The following POM121C variants were observed in gnomAD, a reference collection of about 807,000 sequenced individuals.
POM121C encodes nuclear envelope pore membrane protein POM 121C.
In POM121C, 20 loss-of-function variants were observed where a neutral mutation model predicts 66.4. That is an observed-to-expected ratio of 0.30 (90% CI 0.21 to 0.44). POM121C has a LOEUF of 0.44. Among genes scored for constraint, POM121C ranks in the 20% least tolerant of loss-of-function variants. POM121C has a pLI of 1.00. For synonymous variants in POM121C, 286 were observed against 528.0 expected, an observed-to-expected ratio of 0.54 and a Z score of 6.28; for missense variants, 580 against 1,225.7, an observed-to-expected ratio of 0.47 and a Z score of 7.87.
Position 75,418,600 on chromosome 7 carries a change from G to A in POM121C, c.*196C>T. On this transcript the variant is annotated 3_prime_UTR_variant, in exon 15 of 15. Coordinates refer to ENST00000615331, the MANE Select transcript of POM121C (RefSeq NM_001099415.3). ...CCCGGGCTTTGGCCCTCCGCATCCT[G>A]CTTCCCCTTCCCTGAGGCTTGTGCT... is the stretch of plus-strand genomic sequence containing the variant. 7.6e-7 allele frequency: 1 copy of A among 1,312,286 alleles called. No individual in the cohort carries two copies. The highest frequency in any genetic ancestry group is 1.7e-5 in the South Asian group (1 of 59,752). The allele number at this position is 1,312,286 out of a possible 1,614,324, so 81.3% of individuals were successfully genotyped here. A position where few individuals can be genotyped will look rare whatever the true frequency, so the allele number is the denominator to read the frequency against.
At chr7:75,438,200 G>A (rs1385514474) in intron 6 of POM121C, among the ~76,000 whole-genome samples, 4 of 152,136 alleles carry the variant, frequency 2.6e-5, no homozygotes, top group Non-Finnish European at 5.9e-5. Flanking sequence ...TTTCCTGTAG[G>A]ACAGTCATCC....
At chr7:75,470,583 T>C (rs1162789587) in intron 3 of POM121C, among the ~76,000 whole-genome samples, 1 of 151,908 alleles carries the variant, frequency 6.6e-6, no homozygotes. Flanking sequence ...ACCTCAACAT[T>C]CCCAAGTAGC....
intron 3 of POM121C, among the ~76,000 whole-genome samples, chr7:75,468,793 G>A (rs1554478222): frequency 1.3e-5 from 2 of 152,126 alleles, no homozygotes; most frequent in South Asian, 2.1e-4. Context: ...AGGTCAAGAC[G>A]GGAGGATCGC....
chr7:75,447,594 A>C (rs1272489767), intron 3 of POM121C, among the ~76,000 whole-genome samples: 2 of 152,066 alleles, frequency 1.3e-5, no homozygotes, highest in Non-Finnish European at 2.9e-5. Flanking sequence ...ATATATTTTA[A>C]GAAAGTTAAA....
chr7:75,461,763 G>A (rs1791452263), intron 3 of POM121C, among the ~76,000 whole-genome samples: 1 of 151,980 alleles, frequency 6.6e-6, no homozygotes, highest in South Asian at 2.1e-4. Context: ...AATACGTTCT[G>A]TGACTGTAAA....
chr7:75,419,204 T>C, intron 14 of POM121C, 116 bp downstream of exon 14: 2 of 1,441,472 alleles, frequency 1.4e-6, no homozygotes, highest in South Asian at 1.5e-5. Context: ...TAACCCGAAA[T>C]GTCTTTCCTG....
rs1399691396 is a variant in POM121C at position 75,486,269 on chromosome 7, G to A, written c.-863C>T. 2 of 270,034 alleles carry A rather than the reference G, an allele frequency of 7.4e-6. No individual in the cohort carries two copies. The highest frequency in any genetic ancestry group is 3.2e-5 in the South Asian group (1 of 31,704). The allele number at this position is 270,034 out of a possible 1,614,324, so 16.7% of individuals were successfully genotyped here. ...AAGCCTGGGAACGAGAGCAAGCGAT[G>A]ACCTGAAGAGGCACAGGAAGCGAGG... On this transcript the variant is annotated 5_prime_UTR_variant, in exon 1 of 15. Coordinates refer to ENST00000615331, the MANE Select transcript of POM121C (RefSeq NM_001099415.3).
rs1430309562 is a variant in POM121C, at chr7:75,484,885, C to G, written c.-458+979G>C. 3.0e-4 allele frequency among the ~76,000 whole-genome samples: 46 copies of G among 151,542 alleles called. 2 individuals are homozygous for G. ...TTGGTTGAGACAGGGTCTCAATCTG[C>G]CACCCAGGCTGGAGTGCAGTGGTGC... On this transcript the variant is annotated intron_variant, in intron 1 of 14. Transcript: ENST00000615331.
intron 3 of POM121C, among the ~76,000 whole-genome samples, chr7:75,443,579 GCT>G (rs1554474404): frequency 7.4e-6 from 1 of 134,834 alleles, no homozygotes; most frequent in Non-Finnish European, 1.6e-5. Context: ...ATCTTTATAA[GCT>G]CTGTTTAGTA....
intron 1 of POM121C, among the ~76,000 whole-genome samples, chr7:75,479,634 A>C (rs1367554269): frequency 6.8e-6 from 1 of 147,654 alleles, no homozygotes; most frequent in Non-Finnish European, 1.5e-5. Flanking sequence ...TAAATAAATA[A>C]ATAAATAAAT....
At chr7:75,463,449 C>CA (rs1432851266) in intron 3 of POM121C, among the ~76,000 whole-genome samples, 3 of 120,772 alleles carry the variant, frequency 2.5e-5, no homozygotes, top group African/African-American at 9.1e-5. Context: ...CTGGGTTTTT[C>CA]TTTTTTTTTT....
chr7:75,468,299 A>G (rs2116505825), intron 3 of POM121C, among the ~76,000 whole-genome samples: 1 of 144,992 alleles, frequency 6.9e-6, no homozygotes, highest in African/African-American at 2.6e-5. Flanking sequence ...CTGTTTCCAC[A>G]TTGAAGACTC....
chr7:75,456,426 G>C (rs1439052994), intron 3 of POM121C, among the ~76,000 whole-genome samples: 1 of 152,200 alleles, frequency 6.6e-6, no homozygotes, highest in African/African-American at 2.4e-5. Flanking sequence ...CCACACATTC[G>C]TCTATTTCAT....
chr7:75,465,617 G>A (rs1791607604), intron 3 of POM121C, among the ~76,000 whole-genome samples: 1 of 151,594 alleles, frequency 6.6e-6, no homozygotes, highest in African/African-American at 2.4e-5. Context: ...GCCGGGCATG[G>A]TGGCAGGCAC....
At chr7:75,439,113 T>C in intron 6 of POM121C, 31 bp downstream of exon 6, 1 of 1,612,210 alleles carries the variant, frequency 6.2e-7, no homozygotes, top group Non-Finnish European at 8.5e-7. Context: ...TCCAAACAGT[T>C]GGTATTTCAT....
intron 7 of POM121C, among the ~76,000 whole-genome samples, chr7:75,428,103 C>CT (rs1322465862): frequency 6.6e-6 from 1 of 151,832 alleles, no homozygotes; most frequent in Non-Finnish European, 1.5e-5. Context: ...CTGACACTAC[C>CT]TCGCTGGTTC....
At chr7:75,462,190 G>C (rs1204650670) in intron 3 of POM121C, among the ~76,000 whole-genome samples, 1 of 149,216 alleles carries the variant, frequency 6.7e-6, no homozygotes, top group Non-Finnish European at 1.5e-5. Context: ...TGCTGTTCTC[G>C]TGATAGTGAG....
Position 75,422,837 on chromosome 7 carries a change from T to G in POM121C, c.1415A>C (p.Lys472Thr), listed in dbSNP as rs782647556. ...CGGTGTGAGGCCTTCCTTCTCACTC[T>G]TGGGTGGAGCCGTGAAAATGGGCTT... Reference protein sequence around the residue: ...MFKPIFTAPPKSEKEGLTPPG... With the variant: ...MFKPIFTAPPTSEKEGLTPPG... The change falls in exon 13 of 15, where the codon AAG becomes ACG. Residue 472 changes from lysine to threonine, a missense_variant. Lys to Thr is a moderately conservative substitution (Grantham distance 78). Coordinates refer to ENST00000615331, the MANE Select transcript of POM121C (RefSeq NM_001099415.3). 9.6e-4 allele frequency: 1,376 copies of G among 1,438,228 alleles called. 138 individuals are homozygous for G. In the African/African-American group the frequency reaches 0.016, roughly 17 times the overall value. 89.1% of individuals were successfully genotyped at this position (1,438,228 alleles called of 1,614,324 possible).
At chr7:75,455,701 G>A (rs1349636233) in intron 3 of POM121C, among the ~76,000 whole-genome samples, 2 of 151,790 alleles carry the variant, frequency 1.3e-5, no homozygotes, top group African/African-American at 4.8e-5. Context: ...GTCCCCGCTC[G>A]CCCGTGTCTA....
Sources: gnomAD v4.1 joint callset for allele counts (sites outside exome capture counted in the v4.1 genomes callset) on GRCh38, gnomAD v4.1.1 for gene constraint, MANE v1.5 for transcripts, NCBI Gene and HGNC (gene_info 2026-07-23, HGNC 2026-07-21) for gene names.